NAV2: variants seen among roughly 807,000 people sequenced by gnomAD.
NAV2 encodes helicase, APC down-regulated 1.
Under a neutral mutation model 223.2 loss-of-function variants are expected in NAV2, and 54 were observed. That is an observed-to-expected ratio of 0.24 (90% CI 0.19 to 0.30). The LOEUF is 0.30. NAV2 is among the 10% of genes least tolerant of loss of function. The probability of loss-of-function intolerance (pLI) is 1.00; values close to 1 mark genes in which losing one functional copy is unlikely to be tolerated. For missense variants in NAV2, 2,806 were observed against 3,147.5 expected (o/e 0.89, Z 2.60); for synonymous variants, 1,279 against 1,239.3 (o/e 1.03, Z -0.67).
intron 1 of NAV2, among the ~76,000 whole-genome samples, chr11:19,796,085 A>T (rs2057868885): frequency 6.6e-6 from 1 of 152,208 alleles, no homozygotes; most frequent in Non-Finnish European, 1.5e-5. Context: ...GGAGCTAAAT[A>T]GTAAATTAGG....
At chr11:19,929,226 C>G (rs1313972388) in intron 6 of NAV2, among the ~76,000 whole-genome samples, 1 of 151,966 alleles carries the variant, frequency 6.6e-6, no homozygotes, top group Non-Finnish European at 1.5e-5. Context: ...GCACTGCAGC[C>G]TGGGTGACAG....
At chr11:19,786,674 A>C (rs1401580796) in intron 1 of NAV2, among the ~76,000 whole-genome samples, 1 of 152,140 alleles carries the variant, frequency 6.6e-6, no homozygotes, top group Non-Finnish European at 1.5e-5. Context: ...ATACTGATGG[A>C]GCTTTCTTTG....
intron 1 of NAV2, among the ~76,000 whole-genome samples, chr11:19,485,764 C>T (rs1338907173): frequency 2.6e-5 from 4 of 151,900 alleles, no homozygotes; most frequent in Admixed American, 2.6e-4. Flanking sequence ...AGACCAAGAG[C>T]TAGTGTGGGG....
At chr11:19,354,549 G>A (rs1038539838) in intron 1 of NAV2, among the ~76,000 whole-genome samples, 11 of 152,244 alleles carry the variant, frequency 7.2e-5, no homozygotes, top group Admixed American at 2.6e-4. Flanking sequence ...TAGTGAGTGA[G>A]AGAGGTATAC....
chr11:19,928,089 G>A (rs1342036442), intron 6 of NAV2, among the ~76,000 whole-genome samples: 3 of 152,112 alleles, frequency 2.0e-5, no homozygotes, highest in East Asian at 1.9e-4. Context: ...GGTTGATTAC[G>A]TTTTTCAAAA....
intron 1 of NAV2, among the ~76,000 whole-genome samples, chr11:19,704,142 G>A (rs1273033517): frequency 6.6e-6 from 1 of 152,104 alleles, no homozygotes; most frequent in Non-Finnish European, 1.5e-5. Flanking sequence ...ATAGCAGGAA[G>A]CCCTGTCTCA....
At chr11:19,984,324 T>C (rs2568116) in intron 11 of NAV2, 77 bp downstream of exon 11, 221,123 of 1,599,748 alleles carry the variant, frequency 0.14, 19,809 homozygotes, top group East Asian at 0.5. Flanking sequence ...GGTTATGATA[T>C]TGGGAGAGTG....
chr11:19,671,725 G>A (rs2135809968), intron 1 of NAV2, among the ~76,000 whole-genome samples: 1 of 152,282 alleles, frequency 6.6e-6, no homozygotes, highest in Middle Eastern at 3.4e-3. Flanking sequence ...GCATATTCTT[G>A]TTTTTGCTTT....
At chr11:19,953,984 G>C (rs2047616398) in intron 10 of NAV2, among the ~76,000 whole-genome samples, 1 of 152,142 alleles carries the variant, frequency 6.6e-6, no homozygotes, top group African/African-American at 2.4e-5. Flanking sequence ...TTTGAGAATG[G>C]TCTATTCTTG....
At chr11:19,367,219 T>C (rs1317368290) in intron 1 of NAV2, among the ~76,000 whole-genome samples, 4 of 152,188 alleles carry the variant, frequency 2.6e-5, no homozygotes, top group Non-Finnish European at 4.4e-5. Flanking sequence ...TGCTGACCTA[T>C]TTGTCCACCT....
intron 24 of NAV2, among the ~76,000 whole-genome samples, chr11:20,079,075 C>G (rs1160620897): frequency 2.6e-5 from 4 of 152,158 alleles, no homozygotes; most frequent in African/African-American, 4.8e-5. Context: ...GAGTTTCACT[C>G]TGTTGCCCAG....
intron 1 of NAV2, among the ~76,000 whole-genome samples, chr11:19,753,577 G>T (rs1192191397): frequency 4.6e-5 from 7 of 152,182 alleles, no homozygotes; most frequent in Non-Finnish European, 4.4e-5. Context: ...CATTGCATTA[G>T]TCAGACTATA....
intron 11 of NAV2, among the ~76,000 whole-genome samples, chr11:19,991,622 G>A (rs900367768): frequency 6.6e-6 from 1 of 152,118 alleles, no homozygotes; most frequent in African/African-American, 2.4e-5. Context: ...TTAAGACTGT[G>A]GGGAAATGAT....
intron 1 of NAV2, among the ~76,000 whole-genome samples, chr11:19,582,777 T>A (rs990543406): frequency 1.3e-5 from 2 of 152,196 alleles, no homozygotes; most frequent in African/African-American, 4.8e-5. Flanking sequence ...AGCCTTGTAG[T>A]ATAGTTTGAA....
At chr11:19,936,677 A>C (rs928835287) in intron 7 of NAV2, among the ~76,000 whole-genome samples, 2 of 152,226 alleles carry the variant, frequency 1.3e-5, no homozygotes, top group African/African-American at 4.8e-5. Flanking sequence ...GGTCTTCGGC[A>C]CTGGCTGCAG....
At chr11:19,545,046 T>C (rs898587032) in intron 1 of NAV2, among the ~76,000 whole-genome samples, 1 of 152,174 alleles carries the variant, frequency 6.6e-6, no homozygotes, top group African/African-American at 2.4e-5. Flanking sequence ...CAAATGTACA[T>C]TGGAGTTGAG....
rs576120209 is a variant in NAV2 at position 19,583,120 on chromosome 11, T to C, written c.75+232093T>C. ...CCCTTGTAAGTTAGATTCCTAGGTA[T>C]TTTGTTCTCTTTGAAGCAATTGTGA... On this transcript the variant is annotated intron_variant, in intron 1 of 37. Transcript: ENST00000360655. 1.4e-4 allele frequency among the ~76,000 whole-genome samples: 22 copies of C among 152,360 alleles called. No homozygotes were observed. The East Asian group carries it at 2.1e-3, about 15-fold the overall frequency.
intron 1 of NAV2, among the ~76,000 whole-genome samples, chr11:19,720,634 A>G (rs1391059792): frequency 6.6e-6 from 1 of 152,222 alleles, no homozygotes; most frequent in Non-Finnish European, 1.5e-5. Flanking sequence ...TTAGCTACTC[A>G]TGGCAATGTG....
At chr11:19,943,964 G>GA (rs1410677553) in intron 8 of NAV2, among the ~76,000 whole-genome samples, 1 of 152,094 alleles carries the variant, frequency 6.6e-6, no homozygotes, top group African/African-American at 2.4e-5. Flanking sequence ...TTGGGAAGCC[G>GA]AGGTGGGTGG....
Sources: gnomAD v4.1 joint callset for allele counts (sites outside exome capture counted in the v4.1 genomes callset) on GRCh38, gnomAD v4.1.1 for gene constraint, MANE v1.5 for transcripts, NCBI Gene and HGNC (gene_info 2026-07-23, HGNC 2026-07-21) for gene names.